The following ZNF408 variants were observed in gnomAD, a reference collection of about 807,000 sequenced individuals.
The protein encoded by ZNF408 is PR domain zinc finger protein 17.
Under a neutral mutation model 27.6 loss-of-function variants are expected in ZNF408, and 24 were observed. The ratio of observed to expected loss-of-function variants is 0.87; its 90% CI spans 0.63 to 1.22. The LOEUF (loss-of-function observed/expected upper bound fraction) is 1.22, where lower values mean the gene tolerates loss of function less well. Among genes scored for constraint, ZNF408 ranks in the 50% most tolerant of loss-of-function variants. The pLI is 0.00. For synonymous variants in ZNF408, 410 were observed against 396.1 expected (o/e 1.04, Z -0.42); for missense variants, 897 against 949.0 (o/e 0.95, Z 0.72).
Position 46,701,068 on chromosome 11 carries a change from G to T in ZNF408, c.21G>T (p.Leu7=), listed in dbSNP as rs1413552562. 6.2e-7 allele frequency: 1 copy of T among 1,614,188 alleles called. No homozygotes were observed. Among genetic ancestry groups the T allele is most frequent in the Non-Finnish European group, 8.5e-7 (1 of 1,180,032 alleles). ...CCGGAATGGAGGAGGCGGAGGAGCT[G>T]CTCTTGGAGGGGAAGAAGGCGCTGC... The part of the protein sequence containing the change: MEEAEE[L]LLEGKKALQL... The change falls in exon 1 of 5, where the codon CTG becomes CTT. Residue 7 remains leucine (L), a synonymous_variant. Transcript: ENST00000311764.
chr11:46,702,903 G>A, intron 3 of ZNF408, 81 bp from the exon 4 acceptor site: 1 of 1,599,404 alleles, frequency 6.3e-7, no homozygotes, highest in Non-Finnish European at 8.5e-7. Context: ...TTAGGACCCA[G>A]ACTGCTTGGG....
chr11:46,702,835 A>G, intron 3 of ZNF408, 70 bp downstream of exon 3: 2 of 1,604,028 alleles, frequency 1.2e-6, no homozygotes, highest in Non-Finnish European at 1.7e-6. Context: ...CCCGGTGCTG[A>G]CTGTCATTTC....
Position 46,704,939 on chromosome 11 carries a change from A to G in ZNF408, c.1239A>G (p.Gln413=), listed in dbSNP as rs141585894. Reference sequence around the variant, plus strand: ...GGGTGCGGCCCTTCCCCTGTCCACAATGCGACAAGGCCTATGGCACCCAGC... The same window carrying G: ...GGGTGCGGCCCTTCCCCTGTCCACAGTGCGACAAGGCCTATGGCACCCAGC... The part of the protein sequence containing the change: ...HRGVRPFPCP[Q]CDKAYGTQRD... Residue 413 remains glutamine, a synonymous_variant, in exon 5 of 5, where the codon CAA becomes CAG. Transcript: ENST00000311764. 3.0e-5 allele frequency: 49 copies of G among 1,613,358 alleles called. No homozygotes were observed. Among genetic ancestry groups the G allele is most frequent in the Non-Finnish European group, 4.1e-5 (48 of 1,180,014 alleles).
In ZNF408 at chr11:46,701,643, G is replaced by A. The variant is rs1170210044; in HGVS notation, c.297G>A (p.Glu99=). 12 of 1,602,900 alleles carry A rather than the reference G, an allele frequency of 7.5e-6. No individual in the cohort carries two copies. Among genetic ancestry groups the A allele is most frequent in the Non-Finnish European group, 1.0e-5 (12 of 1,173,130 alleles). ...TGGAAGAGGAGTCTGCCTCCAAGGA[G>A]AAGGGCGAGGGAGTAAAGCCACGGC... ...GPLEEESASK[E]KGEGVKPRQE... Residue 99 remains glutamate, a synonymous_variant, in exon 2 of 5, where the codon GAG becomes GAA. Coordinates refer to ENST00000311764, the MANE Select transcript of ZNF408 (RefSeq NM_024741.3).
At position 46,702,855 on chromosome 11, in the gene ZNF408, G is replaced by T. The variant is rs2064719843; in HGVS notation, c.392+90G>T. On this transcript the variant is annotated intron_variant, in intron 3 of 4. Coordinates refer to ENST00000311764, the MANE Select transcript of ZNF408 (RefSeq NM_024741.3). ...TGCTGACTGTCATTTCCTATTCAGT[G>T]CTCTTTTGCAGTGAATGTTCCAAAG... 2.5e-6 allele frequency: 4 copies of T among 1,598,006 alleles called. No individual in the cohort carries two copies. In the South Asian group the frequency reaches 3.3e-5, roughly 13 times the overall value.
At position 46,705,570 on chromosome 11, in the gene ZNF408, C is replaced by T. The variant is rs771261129; in HGVS notation, c.1870C>T (p.Arg624Trp). 8 of 1,606,652 alleles carry T rather than the reference C, an allele frequency of 5.0e-6. No individual in the cohort carries two copies. Among genetic ancestry groups the T allele is most frequent in the East Asian group, 4.5e-5 (2 of 44,888 alleles). The change falls in exon 5 of 5, where the codon CGG becomes TGG. Residue 624 changes from arginine (R) to tryptophan (W), a missense_variant. Arg to Trp is a moderately radical substitution (Grantham distance 101, BLOSUM62 -3). Coordinates refer to ENST00000311764, the MANE Select transcript of ZNF408 (RefSeq NM_024741.3). The surrounding 1 kb of genome is among the most constrained non-coding windows in gnomAD (Gnocchi z 6.5). ...MGYTLPQSLR[R>W]HQLSHRPEAP... is the part of the protein sequence containing the mutation. Reference sequence around the variant, plus strand: ...CTACACCCTCCCGCAGAGCCTCAGGCGGCATCAGCTCAGTCACCGGCCTGA... The same window carrying T: ...CTACACCCTCCCGCAGAGCCTCAGGTGGCATCAGCTCAGTCACCGGCCTGA...
In ZNF408 at chr11:46,704,702, A is replaced by C. The variant is rs771494000; in HGVS notation, c.1002A>C (p.Thr334=). ...EPGAQQSGFP[T]LSRSPPGPAG... The stretch of plus-strand genomic sequence containing the variant: ...GAGCCCAGCAGTCTGGCTTCCCTAC[A>C]CTCTCGCGGAGCCCTCCTGGCCCAG... The change falls in exon 5 of 5, where the codon ACA becomes ACC. Residue 334 remains threonine, a synonymous_variant. Transcript: ENST00000311764. The C allele has an allele frequency of 1.1e-5, 17 of 1,609,468 alleles. No homozygotes were observed. Among genetic ancestry groups the C allele is most frequent in the Non-Finnish European group, 1.4e-5 (17 of 1,178,018 alleles).
At position 46,703,771 on chromosome 11, in the gene ZNF408, T is replaced by C. The variant is rs1201006510; in HGVS notation, c.652+528T>C. Reference sequence around the variant, plus strand: ...GTTGTTGTTGTTGTTGTTGTTGTTGTTTTTTTTTTTTTTTGAGATGGAGTC... The same window carrying C: ...GTTGTTGTTGTTGTTGTTGTTGTTGCTTTTTTTTTTTTTTGAGATGGAGTC... On this transcript the variant is annotated intron_variant, in intron 4 of 4. Transcript: ENST00000311764. Among the ~76,000 whole-genome samples the C allele has an allele frequency of 2.3e-5, 2 of 85,228 alleles. 1 individual carries two copies. Among genetic ancestry groups the C allele is most frequent in the Non-Finnish European group, 5.4e-5 (2 of 36,988 alleles). 55.9% of individuals were successfully genotyped at this position (85,228 alleles called of 152,430 possible).
Position 46,703,110 on chromosome 11 carries a change from T to C in ZNF408, c.519T>C (p.Pro173=), listed in dbSNP as rs1398379557. Reference sequence around the variant, plus strand: ...CTGAACTGCTGCTGTGGCCCCAGCCTTCCTCTGAGGGCCCAAGTCTCACCC... The same window carrying C: ...CTGAACTGCTGCTGTGGCCCCAGCCCTCCTCTGAGGGCCCAAGTCTCACCC... ...PGSELLLWPQ[P]SSEGPSLTQP... Residue 173 remains proline (P), a synonymous_variant, in exon 4 of 5, where the codon CCT becomes CCC. Coordinates refer to ENST00000311764, the MANE Select transcript of ZNF408 (RefSeq NM_024741.3). 1.2e-6 allele frequency: 2 copies of C among 1,612,414 alleles called. No individual in the cohort carries two copies. The highest frequency in any genetic ancestry group is 1.7e-6 in the Non-Finnish European group (2 of 1,179,384).
rs770143455 is a variant in ZNF408 at position 46,704,619 on chromosome 11, A to G, written c.919A>G (p.Lys307Glu). The change falls in exon 5 of 5, where the codon AAG (lysine) becomes GAG (glutamate). Residue 307 changes from lysine to glutamate, a missense_variant. Lys to Glu is a moderately conservative substitution (Grantham distance 56, BLOSUM62 1). Coordinates refer to ENST00000311764, the MANE Select transcript of ZNF408 (RefSeq NM_024741.3). ...CACCCAGCCGCATGGCTACCTGGCC[A>G]AGAAGTTACACAGCCCCAGTGATCA... ...RGTQPHGYLA[K>E]KLHSPSDQCP... is the part of the protein sequence containing the mutation. The G allele has an allele frequency of 3.1e-6, 5 of 1,613,918 alleles. No homozygotes were observed. The South Asian group carries it at 5.5e-5, about 18-fold the overall frequency.
chr11:46,704,829 G>A lies in ZNF408; in HGVS notation c.1129G>A (p.Gly377Ser). The A allele has an allele frequency of 1.2e-6, 2 of 1,600,588 alleles. No individual in the cohort carries two copies. Among genetic ancestry groups the A allele is most frequent in the Non-Finnish European group, 1.7e-6 (2 of 1,172,936 alleles). ...AAAGAAGCACGCATTTGTGCACACG[G>A]GCCACAAGCCCTTTCTTTGCACTGA... ...HLKKHAFVHT[G>S]HKPFLCTECG... Residue 377 changes from glycine to serine, a missense_variant, in exon 5 of 5, where the codon GGC (glycine) becomes AGC (serine). Gly to Ser is a moderately conservative substitution (Grantham distance 56). Coordinates refer to ENST00000311764, the MANE Select transcript of ZNF408 (RefSeq NM_024741.3).
At position 46,704,688 on chromosome 11, in the gene ZNF408, T is replaced by G. The variant is rs755241014; in HGVS notation, c.988T>G (p.Ser330Ala). Residue 330 changes from serine to alanine, a missense_variant, in exon 5 of 5, where the codon TCT becomes GCT. Coordinates refer to ENST00000311764, the MANE Select transcript of ZNF408 (RefSeq NM_024741.3). ...GACCCCAGAGCCTGGAGCCCAGCAG[T>G]CTGGCTTCCCTACACTCTCGCGGAG... ...AKTPEPGAQQ[S>A]GFPTLSRSPP... 2 of 1,612,326 alleles carry G rather than the reference T, an allele frequency of 1.2e-6. No homozygotes were observed. The highest frequency in any genetic ancestry group is 8.5e-7 in the Non-Finnish European group (1 of 1,179,296).
Position 46,705,737 on chromosome 11 carries a change from A to C in ZNF408, c.2037A>C (p.Ser679=). 6.2e-7 allele frequency: 1 copy of C among 1,612,232 alleles called. No homozygotes were observed. The highest frequency in any genetic ancestry group is 8.5e-7 in the Non-Finnish European group (1 of 1,179,276). Residue 679 remains serine, a synonymous_variant, in exon 5 of 5, where the codon TCA becomes TCC. Coordinates refer to ENST00000311764, the MANE Select transcript of ZNF408 (RefSeq NM_024741.3). The surrounding 1 kb of genome is among the most constrained non-coding windows in gnomAD (Gnocchi z 6.5). ...GGGATGTTGTTGAGGTCACCATTTCAGAAAGCCAGGAGAAGTGCTTTGTGG... is the reference window on the plus strand; with the variant it reads ...GGGATGTTGTTGAGGTCACCATTTCCGAAAGCCAGGAGAAGTGCTTTGTGG... ...PARDVVEVTI[S]ESQEKCFVVP... is the part of the protein sequence containing the mutation.
At position 46,704,477 on chromosome 11, in the gene ZNF408, C is replaced by T. The variant is rs749167902; in HGVS notation, c.777C>T (p.Gly259=). ...CACTTGGCCCATTGCTTCAGGATGGCGACGTGGATGAGGAATGCCCGGCCC... is the reference window on the plus strand; with the variant it reads ...CACTTGGCCCATTGCTTCAGGATGGTGACGTGGATGAGGAATGCCCGGCCC... ...SQPLGPLLQD[G]DVDEECPAQA... The change falls in exon 5 of 5, where the codon GGC becomes GGT. Residue 259 remains glycine, a synonymous_variant. Coordinates refer to ENST00000311764, the MANE Select transcript of ZNF408 (RefSeq NM_024741.3). 18 of 1,613,974 alleles carry T rather than the reference C, an allele frequency of 1.1e-5. No individual in the cohort carries two copies. The highest frequency in any genetic ancestry group is 1.4e-5 in the Non-Finnish European group (16 of 1,180,032).
At chr11:46,703,760 TG>T (rs1166836814) in intron 4 of ZNF408, among the ~76,000 whole-genome samples, 13,795 of 104,558 alleles carry the variant, frequency 0.13, 1,509 homozygotes, top group South Asian at 0.17. Flanking sequence ...TTGTTGTTGT[TG>T]TTGTTGTTGT....
Position 46,705,471 on chromosome 11 carries a change from G to T in ZNF408, c.1771G>T (p.Ala591Ser). The T allele has an allele frequency of 6.2e-7, 1 of 1,606,892 alleles. No individual in the cohort carries two copies. The highest frequency in any genetic ancestry group is 8.5e-7 in the Non-Finnish European group (1 of 1,179,884). The change falls in exon 5 of 5, where the codon GCC becomes TCC. Residue 591 changes from alanine (A) to serine (S), a missense_variant. Transcript: ENST00000311764. The surrounding 1 kb of genome is among the most constrained non-coding windows in gnomAD (Gnocchi z 6.5). ...CPQCGRAYTL[A>S]TKLRRHLKSH... ...CCAGTGTGGCCGTGCTTACACGCTG[G>T]CCACCAAGCTGCGGCGCCACCTCAA...
rs1565695598 is a variant in ZNF408 at position 46,705,112 on chromosome 11, C to CTG, written c.1419_1420dup (p.Gly474ValfsTer15). On this transcript the variant is annotated frameshift_variant, in exon 5 of 5. Transcript: ENST00000311764. LOFTEE classifies it low-confidence loss of function (END_TRUNC). This position sits in a 1 kb window ranked among gnomAD's most constrained non-coding sequence, Gnocchi z 6.5. ...GCTGCCCCTGCCCCTTGCCCATGCC[C>CTG]TGTGTGTGGGCGGCCCCTGGCCAAC... 5 of 1,612,050 alleles carry CTG rather than the reference C, an allele frequency of 3.1e-6. No homozygotes were observed. The highest frequency in any genetic ancestry group is 4.2e-6 in the Non-Finnish European group (5 of 1,179,936).
chr11:46,704,380 T>C lies in ZNF408; in HGVS notation c.680T>C (p.Ile227Thr). The change falls in exon 5 of 5, where the codon ATC becomes ACC. Residue 227 changes from isoleucine (I) to threonine (T), a missense_variant. Coordinates refer to ENST00000311764, the MANE Select transcript of ZNF408 (RefSeq NM_024741.3). ...IDPGSQSPSG[I>T]QAENMVSPGL... ...CCTGGTTCCCAGTCACCCTCTGGCA[T>C]CCAGGCAGAGAATATGGTGAGCCCT... 6.2e-7 allele frequency: 1 copy of C among 1,603,136 alleles called. No homozygotes were observed. Among genetic ancestry groups the C allele is most frequent in the Non-Finnish European group, 8.5e-7 (1 of 1,173,576 alleles).
chr11:46,705,396 C>A lies in ZNF408; in HGVS notation c.1696C>A (p.Leu566Ile), dbSNP rs762589100. 3.1e-6 allele frequency: 5 copies of A among 1,608,340 alleles called. No individual in the cohort carries two copies. The Admixed American group carries it at 8.3e-5, about 27-fold the overall frequency. ...CAAGGCCCTCCGAGACCCACACACG[C>A]TCCGAGCTCACGAGCGCCTGCACTC... Reference protein sequence around the residue: ...CGKALRDPHTLRAHERLHSGE... With the variant: ...CGKALRDPHTIRAHERLHSGE... The change falls in exon 5 of 5, where the codon CTC becomes ATC. Residue 566 changes from leucine (L) to isoleucine (I), a missense_variant. By Grantham distance (5) the Leu-to-Ile change is conservative. Transcript: ENST00000311764. This position sits in a 1 kb window ranked among gnomAD's most constrained non-coding sequence, Gnocchi z 6.5.
Sources: gnomAD v4.1 joint callset for allele counts (sites outside exome capture counted in the v4.1 genomes callset) on GRCh38, gnomAD v4.1.1 for gene constraint, Gnocchi (gnomAD v3.1) non-coding constraint, MANE v1.5 for transcripts, NCBI Gene and HGNC (gene_info 2026-07-23, HGNC 2026-07-21) for gene names.